The following METTL24 variants were observed in gnomAD, a reference collection of about 807,000 sequenced individuals.
METTL24 encodes methyltransferase like 24.
A neutral mutation model predicts 32.7 loss-of-function variants in METTL24; 29 were observed. The observed-to-expected ratio is 0.89, with a 90% CI of 0.66 to 1.21. METTL24 has a LOEUF of 1.21. METTL24 is among the 50% of genes most tolerant of loss of function. METTL24 has a pLI of 0.00. For synonymous variants in METTL24, 163 were observed against 179.5 expected (o/e 0.91, Z 0.73); for missense variants, 439 against 468.1 (o/e 0.94, Z 0.57).
At chr6:110,348,747 C>T (rs982078638) in intron 1 of METTL24, among the ~76,000 whole-genome samples, 1 of 152,208 alleles carries the variant, frequency 6.6e-6, no homozygotes, top group Non-Finnish European at 1.5e-5. Context: ...TCTGATTCAT[C>T]TCATCAGAGG....
At chr6:110,335,563 A>AT (rs1562241070) in intron 1 of METTL24, among the ~76,000 whole-genome samples, 1 of 113,634 alleles carries the variant, frequency 8.8e-6, no homozygotes. Context: ...GTAGGGAATC[A>AT]TTGTTTTTTT....
chr6:110,304,641 A>G (rs1301586165), intron 3 of METTL24, among the ~76,000 whole-genome samples: 5 of 152,204 alleles, frequency 3.3e-5, no homozygotes. Flanking sequence ...AAAGGAACGA[A>G]CAAAGCCTCC....
At chr6:110,337,878 T>C (rs1772270053) in intron 1 of METTL24, among the ~76,000 whole-genome samples, 1 of 152,246 alleles carries the variant, frequency 6.6e-6, no homozygotes, top group Non-Finnish European at 1.5e-5. Context: ...TTACTTTTAC[T>C]TCCCATTTTA....
intron 4 of METTL24, among the ~76,000 whole-genome samples, chr6:110,288,883 G>T (rs1390316296): frequency 6.6e-6 from 1 of 152,196 alleles, no homozygotes; most frequent in African/African-American, 2.4e-5. Flanking sequence ...CCAGGGGCGG[G>T]AGTGGAACTC....
chr6:110,308,719 A>G (rs1049939982), intron 3 of METTL24, among the ~76,000 whole-genome samples: 1 of 152,244 alleles, frequency 6.6e-6, no homozygotes, highest in Admixed American at 6.5e-5. Flanking sequence ...AATAAATAAA[A>G]TGTGATGTAA....
At chr6:110,355,054 G>A (rs2114783664) in intron 1 of METTL24, among the ~76,000 whole-genome samples, 1 of 152,236 alleles carries the variant, frequency 6.6e-6, no homozygotes, top group Admixed American at 6.5e-5. Context: ...CATTTACTAG[G>A]GGTCACTATG....
At chr6:110,347,868 T>C (rs1170838064) in intron 1 of METTL24, among the ~76,000 whole-genome samples, 2 of 152,224 alleles carry the variant, frequency 1.3e-5, no homozygotes, top group African/African-American at 4.8e-5. Context: ...ATATGGGGAA[T>C]ACATTTATAA....
chr6:110,287,008 T>C (rs141239847), intron 4 of METTL24, among the ~76,000 whole-genome samples: 197 of 152,314 alleles, frequency 1.3e-3, no homozygotes, highest in African/African-American at 4.6e-3. Flanking sequence ...CTTCCCTTTA[T>C]ATATATGTAT....
chr6:110,284,853 C>A (rs1771193411), intron 4 of METTL24, among the ~76,000 whole-genome samples: 1 of 152,114 alleles, frequency 6.6e-6, no homozygotes, highest in South Asian at 2.1e-4. Flanking sequence ...GTCACCTTTG[C>A]TCTTTCCAGC....
chr6:110,256,175 A>C (rs1778380134), intron 4 of METTL24, among the ~76,000 whole-genome samples: 1 of 152,230 alleles, frequency 6.6e-6, no homozygotes, highest in African/African-American at 2.4e-5. Flanking sequence ...GCATACACAC[A>C]CACACAACAC....
At chr6:110,335,566 GTTTTTTT>G (rs527344096) in intron 1 of METTL24, among the ~76,000 whole-genome samples, 35 of 66,140 alleles carry the variant, frequency 5.3e-4, no homozygotes, top group African/African-American at 1.6e-3. Flanking sequence ...GGGAATCATT[GTTTTTTT>G]TTTTTTTTTT....
chr6:110,342,187 G>A (rs1772372469), intron 1 of METTL24, among the ~76,000 whole-genome samples: 1 of 152,200 alleles, frequency 6.6e-6, no homozygotes, highest in Admixed American at 6.5e-5. Context: ...TCACAGCGAT[G>A]GCAGCTTGAG....
chr6:110,331,839 A>C (rs1248377355), intron 1 of METTL24, among the ~76,000 whole-genome samples: 1 of 152,160 alleles, frequency 6.6e-6, no homozygotes, highest in Non-Finnish European at 1.5e-5. Flanking sequence ...ACAATAAAAA[A>C]CTGAGCCTCT....
intron 3 of METTL24, among the ~76,000 whole-genome samples, chr6:110,302,600 TAC>T (rs371433286): frequency 0.022 from 2,586 of 117,774 alleles, 341 homozygotes; most frequent in East Asian, 0.061. Context: ...TATACACATA[TAC>T]ACACACATAT....
intron 1 of METTL24, among the ~76,000 whole-genome samples, chr6:110,334,626 C>T (rs1379484789): frequency 2.6e-5 from 4 of 152,220 alleles, no homozygotes; most frequent in Non-Finnish European, 4.4e-5. Flanking sequence ...CAAAGCCACA[C>T]ACCATTTATC....
intron 4 of METTL24, among the ~76,000 whole-genome samples, chr6:110,295,421 G>A (rs1771395510): frequency 6.6e-6 from 1 of 152,272 alleles, no homozygotes; most frequent in South Asian, 2.1e-4. Flanking sequence ...GGCCTGGGTG[G>A]TGACAAGGGC....
rs1008728639 is a variant in METTL24 at position 110,358,132 on chromosome 6, C to T, written c.141G>A (p.Pro47=). The change falls in exon 1 of 5, where the codon CCG becomes CCA. Residue 47 remains proline, a synonymous_variant. Coordinates refer to ENST00000338882, the MANE Select transcript of METTL24 (RefSeq NM_001123364.3). Reference sequence around the variant, plus strand: ...GCCCAGGTGGCCGCCAGGCCGGGCCCGGCGGGGCGCTGCGGGTGGGGGACC... The same window carrying T: ...GCCCAGGTGGCCGCCAGGCCGGGCCTGGCGGGGCGCTGCGGGTGGGGGACC... ...GPGSPTRSAP[P]GPAWRPPGPH... is the part of the protein sequence containing the mutation. 15 of 1,114,976 alleles carry T rather than the reference C, an allele frequency of 1.3e-5. No homozygotes were observed. Among genetic ancestry groups the T allele is most frequent in the Non-Finnish European group, 1.6e-5 (15 of 914,088 alleles). 69.1% of individuals were successfully genotyped at this position (1,114,976 alleles called of 1,614,324 possible). A position where few individuals can be genotyped will look rare whatever the true frequency, so the allele number is the denominator to read the frequency against.
chr6:110,325,850 C>T (rs1477481517), intron 1 of METTL24, among the ~76,000 whole-genome samples: 1 of 152,198 alleles, frequency 6.6e-6, no homozygotes, highest in Non-Finnish European at 1.5e-5. Context: ...AGGCCAGGCT[C>T]CTCCCCACTG....
rs1355019879 is a variant in METTL24 at position 110,302,568 on chromosome 6, C to CAT, written c.558-3420_558-3419dup. On this transcript the variant is annotated intron_variant, in intron 3 of 4. Coordinates refer to ENST00000338882, the MANE Select transcript of METTL24 (RefSeq NM_001123364.3). Reference sequence around the variant, plus strand: ...ACACACATATGTGTATATATACACACATACACACACATATGTGTATATATA... The same window carrying CAT: ...ACACACATATGTGTATATATACACACATATACACACACATATGTGTATATATA... 2.7e-4 allele frequency among the ~76,000 whole-genome samples: 26 copies of CAT among 95,932 alleles called. 1 individual carries two copies. Among genetic ancestry groups the CAT allele is most frequent in the Non-Finnish European group, 4.4e-4 (23 of 52,474 alleles). The allele number at this position is 95,932 out of a possible 152,430, so 62.9% of individuals were successfully genotyped here.
Sources: allele counts gnomAD v4.1 joint callset (sites outside exome capture counted in the v4.1 genomes callset), GRCh38; gene constraint gnomAD v4.1.1; transcripts MANE v1.5; gene names NCBI Gene and HGNC (gene_info 2026-07-23, HGNC 2026-07-21).